Variants in CELSR1 observed in about 807,000 individuals in gnomAD.
The protein encoded by CELSR1 is cadherin EGF LAG seven-pass G-type receptor 1, also known as adhesion G protein-coupled receptor C1.
In CELSR1, 110 loss-of-function variants were observed where a neutral mutation model predicts 249.1. The observed-to-expected ratio is 0.44, with a 90% confidence interval of 0.38 to 0.52. The LOEUF (loss-of-function observed/expected upper bound fraction) is 0.52, where lower values mean the gene tolerates loss of function less well. Among genes scored for constraint, CELSR1 ranks in the 20% least tolerant of loss-of-function variants. The probability of loss-of-function intolerance (pLI) is 0.00; values close to 1 mark genes in which losing one functional copy is unlikely to be tolerated. For missense variants in CELSR1, 4,109 were observed against 4,296.4 expected, an observed-to-expected ratio of 0.96 and a Z score of 1.22; for synonymous variants, 2,113 against 1,900.0, an observed-to-expected ratio of 1.11 and a Z score of -2.92.
Position 46,412,239 on chromosome 22 carries a change from G to A in CELSR1, c.4612-480C>T, listed in dbSNP as rs1044479197. The stretch of plus-strand genomic sequence containing the variant: ...CTTCGGAGGAGGCACGGCCCTACCC[G>A]CGCCTTGACTTCTAGGCACCAGACT... On this transcript the variant is annotated intron_variant, in intron 5 of 34. Coordinates refer to ENST00000674500, the MANE Select transcript of CELSR1 (RefSeq NM_001378328.1). The surrounding 1 kb of genome is among the most constrained non-coding windows in gnomAD (Gnocchi z 4.5). 4.6e-5 allele frequency among the ~76,000 whole-genome samples: 7 copies of A among 152,154 alleles called. No individual in the cohort carries two copies. The South Asian group carries it at 6.2e-4, about 14-fold the overall frequency.
intron 13 of CELSR1, 85 bp from the exon 14 acceptor site, chr22:46,394,347 T>C (rs2079126516): frequency 6.7e-7 from 1 of 1,491,592 alleles, no homozygotes; most frequent in Non-Finnish European, 9.0e-7. Context: ...AGCATGGAGA[T>C]GGTTGCCCAG....
rs147643247 is a variant in CELSR1 at position 46,409,484 on chromosome 22, G to C, written c.5059+271C>G. Among the ~76,000 whole-genome samples, 113 of 152,262 alleles carry C rather than the reference G, an allele frequency of 7.4e-4. No individual in the cohort carries two copies. The East Asian group carries it at 0.022, about 30-fold the overall frequency. On this transcript the variant is annotated intron_variant, in intron 8 of 34. Coordinates refer to ENST00000674500, the MANE Select transcript of CELSR1 (RefSeq NM_001378328.1). This position sits in a 1 kb window ranked among gnomAD's most constrained non-coding sequence, Gnocchi z 9.8. The stretch of plus-strand genomic sequence containing the variant: ...GGCGGGTTCAGGATCCCTGGGCTCC[G>C]TGGCTGGGGTGCTGGGGCTGGGCTC...
rs760858599 is a variant in CELSR1, at chr22:46,364,745, C to T, written c.8555-9G>A. ...GTTGGCCACAGCGTCCCCTGAGGCA[C>T]GAGAGCGGTGCTCAGCAGGCAGCGG... On this transcript the variant is annotated splice_polypyrimidine_tract_variant and intron_variant, in intron 32 of 34. Coordinates refer to ENST00000674500, the MANE Select transcript of CELSR1 (RefSeq NM_001378328.1). 7 of 1,609,604 alleles carry T rather than the reference C, an allele frequency of 4.3e-6. No individual in the cohort carries two copies. Among genetic ancestry groups the T allele is most frequent in the African/African-American group, 4.0e-5 (3 of 74,924 alleles).
intron 1 of CELSR1, among the ~76,000 whole-genome samples, chr22:46,507,172 G>C (rs2080523298): frequency 6.6e-6 from 1 of 152,156 alleles, no homozygotes; most frequent in South Asian, 2.1e-4. Flanking sequence ...GGCGACAAGA[G>C]TGAAACTCTG....
Position 46,446,151 on chromosome 22 carries a change from G to C in CELSR1, c.4184-6740C>G, listed in dbSNP as rs1207205680. Among the ~76,000 whole-genome samples, 1 of 151,982 alleles carries C rather than the reference G, an allele frequency of 6.6e-6. No homozygotes were observed. On this transcript the variant is annotated intron_variant, in intron 2 of 34. Coordinates refer to ENST00000674500, the MANE Select transcript of CELSR1 (RefSeq NM_001378328.1). This position sits in a 1 kb window ranked among gnomAD's most constrained non-coding sequence, Gnocchi z 5.5. ...CCAGCCCCCTCCACACCATACTCAC[G>C]AGCCTGTGCCGGCCCCACTGTCTCC... is the stretch of plus-strand genomic sequence containing the variant.
intron 2 of CELSR1, among the ~76,000 whole-genome samples, chr22:46,456,811 G>T (rs1003802342): frequency 2.0e-5 from 3 of 149,816 alleles, no homozygotes; most frequent in African/African-American, 7.4e-5. Context: ...TTTTACACCA[G>T]AAGTTTCTCT....
chr22:46,370,812 G>C (rs549554673), intron 25 of CELSR1, among the ~76,000 whole-genome samples: 1 of 152,378 alleles, frequency 6.6e-6, no homozygotes, highest in South Asian at 2.1e-4. Context: ...CCAGTGACCA[G>C]TGCCTGCAGC....
Position 46,427,724 on chromosome 22 carries a change from G to A in CELSR1, c.4611+5669C>T, listed in dbSNP as rs1343724771. Among the ~76,000 whole-genome samples, 2 of 152,146 alleles carry A rather than the reference G, an allele frequency of 1.3e-5. No individual in the cohort carries two copies. Among genetic ancestry groups the A allele is most frequent in the Non-Finnish European group, 2.9e-5 (2 of 68,028 alleles). On this transcript the variant is annotated intron_variant, in intron 5 of 34. Coordinates refer to ENST00000674500, the MANE Select transcript of CELSR1 (RefSeq NM_001378328.1). This position sits in a 1 kb window ranked among gnomAD's most constrained non-coding sequence, Gnocchi z 4.2. ...AGTTCGTTTCTGTAAGTTGGATTCT[G>A]TGCGTGTAATTGGCACTCAATTAAC...
At chr22:46,384,762 A>C (rs1214018861) in intron 19 of CELSR1, 76 bp from the exon 20 acceptor site, 4 of 1,457,852 alleles carry the variant, frequency 2.7e-6, no homozygotes, top group Non-Finnish European at 3.7e-6. Flanking sequence ...AAATGACCAC[A>C]ACTGTCACAC....
intron 18 of CELSR1, among the ~76,000 whole-genome samples, chr22:46,386,792 C>T (rs1204159843): frequency 1.3e-5 from 2 of 152,044 alleles, no homozygotes; most frequent in Admixed American, 6.6e-5. Context: ...CCGCTCTTGT[C>T]GCCCAGGCTG....
rs1194315573 is a variant in CELSR1 at position 46,380,023 on chromosome 22, A to G, written c.7256+765T>C. Among the ~76,000 whole-genome samples the G allele has an allele frequency of 6.6e-6, 1 of 152,188 alleles. No individual in the cohort carries two copies. The highest frequency in any genetic ancestry group is 1.5e-5 in the Non-Finnish European group (1 of 68,034). ...CTCCCTGTAACGATAGAGCAACTCA[A>G]ATGTCCACACCTCACGTGAACTCTG... On this transcript the variant is annotated intron_variant, in intron 22 of 34. Transcript: ENST00000674500. The surrounding 1 kb of genome is among the most constrained non-coding windows in gnomAD (Gnocchi z 5.1).
Position 46,515,405 on chromosome 22 carries a change from A to G in CELSR1, c.3544+18222T>C, listed in dbSNP as rs150465564. ...GACCCCCAGGTAGGAAGGTTTGCAC[A>G]TGTTTCATCAGGGTAAAGGGAAAGA... is the stretch of plus-strand genomic sequence containing the variant. On this transcript the variant is annotated intron_variant, in intron 1 of 34. Coordinates refer to ENST00000674500, the MANE Select transcript of CELSR1 (RefSeq NM_001378328.1). Among the ~76,000 whole-genome samples, 37 of 152,348 alleles carry G rather than the reference A, an allele frequency of 2.4e-4. 1 individual carries two copies. The East Asian group carries it at 6.7e-3, about 28-fold the overall frequency.
chr22:46,397,276 GCTTT>G (rs2079158311), intron 12 of CELSR1, among the ~76,000 whole-genome samples: 1 of 91,248 alleles, frequency 1.1e-5, no homozygotes, highest in East Asian at 2.5e-4. Flanking sequence ...GCTAATTTTT[GCTTT>G]TTTTTTTTTT....
At position 46,534,548 on chromosome 22, in the gene CELSR1, T is replaced by C; in HGVS notation, c.2623A>G (p.Thr875Ala). The C allele has an allele frequency of 1.2e-6, 2 of 1,613,608 alleles. No individual in the cohort carries two copies. Among genetic ancestry groups the C allele is most frequent in the Non-Finnish European group, 1.7e-6 (2 of 1,180,014 alleles). ...AGGATGAGGATCTCTAGGGTGGTGG[T>C]GTCTGATTTCTGCGGGATGCCGTTG... ...QDNGIPQKSD[T>A]TTLEILILDA... The change falls in exon 1 of 35, where the codon ACC becomes GCC. Residue 875 changes from threonine (T) to alanine (A), a missense_variant. By Grantham distance (58) the Thr-to-Ala change is moderately conservative (BLOSUM62 0). Transcript: ENST00000674500. This position sits in a 1 kb window ranked among gnomAD's most constrained non-coding sequence, Gnocchi z 9.7.
In CELSR1 at chr22:46,386,417, C is replaced by A; in HGVS notation, c.6724G>T (p.Val2242Phe). The change falls in exon 19 of 35, where the codon GTC becomes TTC. Residue 2242 changes from valine (V) to phenylalanine (F), a missense_variant. Coordinates refer to ENST00000674500, the MANE Select transcript of CELSR1 (RefSeq NM_001378328.1). ...AGCGCCTTACTCATGTTGGCGGTGA[C>A]GATGACGAAGGGCCGCAGGTACGTC... ...RRTYLRPFVI[V>F]TANMILAVDI... 1 of 1,580,676 alleles carries A rather than the reference C, an allele frequency of 6.3e-7. No individual in the cohort carries two copies. The highest frequency in any genetic ancestry group is 8.6e-7 in the Non-Finnish European group (1 of 1,163,486).
At chr22:46,384,223 G>C (rs918213329) in intron 20 of CELSR1, among the ~76,000 whole-genome samples, 5 of 152,134 alleles carry the variant, frequency 3.3e-5, no homozygotes, top group Non-Finnish European at 4.4e-5. Flanking sequence ...GGCGTGAGCC[G>C]CCGCGCCTGG....
At position 46,409,024 on chromosome 22, in the gene CELSR1, C is replaced by T. The variant is rs753465736; in HGVS notation, c.5198G>A (p.Ser1733Asn). 2 of 1,611,984 alleles carry T rather than the reference C, an allele frequency of 1.2e-6. No individual in the cohort carries two copies. The highest frequency in any genetic ancestry group is 2.2e-5 in the South Asian group (2 of 90,724). The change falls in exon 9 of 35, where the codon AGT becomes AAT. Residue 1733 changes from serine to asparagine, a missense_variant. By Grantham distance (46) the Ser-to-Asn change is conservative. Around this residue, in one of 7 missense-constraint regions of CELSR1, gnomAD observed 1,805 missense variants for 1,831.6 expected, o/e 0.99. Coordinates refer to ENST00000674500, the MANE Select transcript of CELSR1 (RefSeq NM_001378328.1). This position sits in a 1 kb window ranked among gnomAD's most constrained non-coding sequence, Gnocchi z 9.8. ...GAGGCGAAAGCTGGTGGGCCCACCA[C>T]TGGTGGCCTCCATCAGAACGCTGTC... is the stretch of plus-strand genomic sequence containing the variant. ...KEDSVLMEAT[S>N]GGPTSFRLQI...
rs1411033808 is a variant in CELSR1, at chr22:46,409,947, G to T, written c.4934-67C>A. On this transcript the variant is annotated intron_variant, in intron 7 of 34. Transcript: ENST00000674500. The surrounding 1 kb of genome is among the most constrained non-coding windows in gnomAD (Gnocchi z 9.8). ...CCGCCCGGGGTCCCCGGCGCCAGAC[G>T]TGGCGTGGGAAACCAGGACGGAATG... 1.3e-6 allele frequency: 2 copies of T among 1,594,700 alleles called. No individual in the cohort carries two copies. The highest frequency in any genetic ancestry group is 4.5e-5 in the East Asian group (2 of 44,768).
intron 1 of CELSR1, among the ~76,000 whole-genome samples, chr22:46,466,294 C>T (rs2080095976): frequency 6.6e-6 from 1 of 152,242 alleles, no homozygotes; most frequent in Admixed American, 6.5e-5. Context: ...CACTGCCCTG[C>T]CCTGCCCTGG....
Sources: gnomAD v4.1 joint callset for allele counts (sites outside exome capture counted in the v4.1 genomes callset) on GRCh38, gnomAD v4.1.1 for gene constraint, gnomAD v4.1.1 regional missense constraint, Gnocchi (gnomAD v3.1) non-coding constraint, MANE v1.5 for transcripts, NCBI Gene and HGNC (gene_info 2026-07-23, HGNC 2026-07-21) for gene names.